Variants in OTOGL observed in about 807,000 individuals in gnomAD.
The protein encoded by OTOGL is otogelin like.
A neutral mutation model predicts 318.5 loss-of-function variants in OTOGL; 285 were observed. That is an observed-to-expected ratio of 0.89 (90% CI 0.81 to 0.99). OTOGL has a LOEUF of 0.99. Among genes scored for constraint, OTOGL ranks in the 50% least tolerant of loss-of-function variants. The pLI is 0.00. For missense variants in OTOGL, 2,899 were observed against 2,845.6 expected (o/e 1.02, Z -0.43); for synonymous variants, 987 against 936.5 (o/e 1.05, Z -0.99).
chr12:80,174,486 T>A (rs1486208532), intron 1 of OTOGL, among the ~76,000 whole-genome samples: 2 of 152,218 alleles, frequency 1.3e-5, no homozygotes, highest in Non-Finnish European at 2.9e-5. Flanking sequence ...GGACATAGGA[T>A]CTTTTTTAAA....
At chr12:80,149,293 G>A (rs1331270750) in intron 1 of OTOGL, among the ~76,000 whole-genome samples, 1 of 151,488 alleles carries the variant, frequency 6.6e-6, no homozygotes, top group African/African-American at 2.4e-5. Context: ...TCAGCTGCAG[G>A]TCTGTTGGAG....
chr12:80,375,129 AC>A (rs1891107741), intron 57 of OTOGL, among the ~76,000 whole-genome samples: 1 of 151,792 alleles, frequency 6.6e-6, no homozygotes, highest in Non-Finnish European at 1.5e-5. Flanking sequence ...ATATTAGAAA[AC>A]CCTTTCCTGC....
In OTOGL at chr12:80,248,984, C is replaced by T. The variant is rs1260413087; in HGVS notation, c.1053-2709C>T. Among the ~76,000 whole-genome samples the T allele has an allele frequency of 2.7e-5, 4 of 146,636 alleles. No homozygotes were observed. In the South Asian group the frequency reaches 6.4e-4, roughly 23 times the overall value. On this transcript the variant is annotated intron_variant, in intron 11 of 58. Coordinates refer to ENST00000547103, the MANE Select transcript of OTOGL (RefSeq NM_001378609.3). ...GCTCCTGAGGCTTCTGCATTCTTCA[C>T]GTAGTTCTCGAGCCTTGGTTTTCAG...
chr12:80,148,552 G>C (rs1421093563), intron 1 of OTOGL, among the ~76,000 whole-genome samples: 1 of 151,162 alleles, frequency 6.6e-6, no homozygotes, highest in Non-Finnish European at 1.5e-5. Context: ...TCTTCTCGAG[G>C]AGTATCTTTG....
In OTOGL at chr12:80,266,522, T is replaced by C; in HGVS notation, c.2296T>C (p.Ser766Pro). 6.2e-7 allele frequency: 1 copy of C among 1,613,466 alleles called. No homozygotes were observed. Among genetic ancestry groups the C allele is most frequent in the Non-Finnish European group, 8.5e-7 (1 of 1,179,600 alleles). ...CTGCCTCCATTCCTGCATTTCTCTC[T>C]CTTCCCCGGAGCAGTGCAGTGATGA... ...SFCLHSCISL[S>P]SPEQCSDDCA... Residue 766 changes from serine to proline, a missense_variant, in exon 21 of 59, where the codon TCT (serine) becomes CCT (proline). By Grantham distance (74) the Ser-to-Pro change is moderately conservative (BLOSUM62 -1). Around this residue, in one of 3 missense-constraint regions of OTOGL, gnomAD observed 2,607 missense variants for 2,524.9 expected, o/e 1.03. Coordinates refer to ENST00000547103, the MANE Select transcript of OTOGL (RefSeq NM_001378609.3).
intron 38 of OTOGL, among the ~76,000 whole-genome samples, chr12:80,334,167 G>C (rs1006088006): frequency 6.6e-6 from 1 of 152,128 alleles, no homozygotes; most frequent in Non-Finnish European, 1.5e-5. Flanking sequence ...CTATCACCTG[G>C]TTCAGGTGAT....
At chr12:80,310,571 C>G (rs912980870) in intron 29 of OTOGL, 40 bp from the exon 30 acceptor site, 3 of 1,389,186 alleles carry the variant, frequency 2.2e-6, no homozygotes, top group Non-Finnish European at 3.0e-6. Context: ...AGAAATTGTC[C>G]CTTTGAAAAC....
intron 43 of OTOGL, among the ~76,000 whole-genome samples, chr12:80,340,924 T>C (rs1888725597): frequency 7.3e-6 from 1 of 136,852 alleles, no homozygotes; most frequent in Admixed American, 8.4e-5. Context: ...CTTTACAATG[T>C]AGTCCACTTA....
At chr12:80,181,395 TG>T (rs1208282521) in intron 1 of OTOGL, among the ~76,000 whole-genome samples, 1 of 151,938 alleles carries the variant, frequency 6.6e-6, no homozygotes, top group Non-Finnish European at 1.5e-5. Context: ...CCCCCTTTGG[TG>T]GTTATTGAAT....
intron 4 of OTOGL, among the ~76,000 whole-genome samples, chr12:80,213,242 ATT>A: frequency 6.6e-6 from 1 of 152,216 alleles, no homozygotes; most frequent in East Asian, 1.9e-4. Flanking sequence ...TTGCCAGGGC[ATT>A]TGTAAACTGT....
rs527599306 is a variant in OTOGL, at chr12:80,335,978, C to T, written c.4438C>T (p.Pro1480Ser). 10 of 1,554,418 alleles carry T rather than the reference C, an allele frequency of 6.4e-6. No individual in the cohort carries two copies. The East Asian group carries it at 2.3e-4, about 36-fold the overall frequency. Reference sequence around the variant, plus strand: ...TTATTAACAGCCTCAGAAATTTGATCCTGTTTATGATTGTAGCCAATACAT... The same window carrying T: ...TTATTAACAGCCTCAGAAATTTGATTCTGTTTATGATTGTAGCCAATACAT... ...GLECEPQKFDPVYDCSQYICL... is the reference protein window; with the variant it reads ...GLECEPQKFDSVYDCSQYICL... The change falls in exon 39 of 59, where the codon CCT (proline) becomes TCT (serine). Residue 1480 changes from proline (P) to serine (S), a missense_variant. By Grantham distance (74) the Pro-to-Ser change is moderately conservative. This residue lies in a region of OTOGL where 2,607 missense variants were observed against 2,524.9 expected (regional missense o/e 1.03). Transcript: ENST00000547103.
intron 1 of OTOGL, among the ~76,000 whole-genome samples, chr12:80,182,159 A>AT (rs1874969692): frequency 6.6e-6 from 1 of 152,128 alleles, no homozygotes; most frequent in South Asian, 2.1e-4. Context: ...CTCAAAAGCA[A>AT]TTTTTAAAAA....
intron 52 of OTOGL, chr12:80,366,192 A>G (rs967318766): frequency 8.2e-6 from 2 of 245,244 alleles, no homozygotes; most frequent in Non-Finnish European, 1.8e-5. Context: ...GATTGGTGCA[A>G]AGGCAGTTCC....
chr12:80,329,587 G>A (rs1477994011), intron 37 of OTOGL, among the ~76,000 whole-genome samples: 1 of 152,104 alleles, frequency 6.6e-6, no homozygotes, highest in East Asian at 1.9e-4. Context: ...CCATTTCCAT[G>A]TTTGCATTCT....
Position 80,301,754 on chromosome 12 carries a change from C to T in OTOGL, c.3064-880C>T, listed in dbSNP as rs138446379. On this transcript the variant is annotated intron_variant, in intron 27 of 58. Transcript: ENST00000547103. The stretch of plus-strand genomic sequence containing the variant: ...CCCCCCTACACACATACAGTAGTTC[C>T]CCCTTATCCATGAGGGTTAGGTCCC... 3.2e-3 allele frequency among the ~76,000 whole-genome samples: 487 copies of T among 152,228 alleles called. 3 individuals are homozygous for T. Among genetic ancestry groups the T allele is most frequent in the African/African-American group, 0.011 (465 of 41,540 alleles).
At chr12:80,260,956 A>T (rs528335921) in intron 18 of OTOGL, among the ~76,000 whole-genome samples, 1 of 152,262 alleles carries the variant, frequency 6.6e-6, no homozygotes, top group South Asian at 2.1e-4. Flanking sequence ...GAGATTTTGT[A>T]CTAGGGTGTT....
chr12:80,151,568 A>G (rs950110326), intron 1 of OTOGL, among the ~76,000 whole-genome samples: 11 of 152,370 alleles, frequency 7.2e-5, no homozygotes, highest in African/African-American at 2.6e-4. Context: ...ATCCAAAAAA[A>G]GGATCTGTGG....
intron 1 of OTOGL, among the ~76,000 whole-genome samples, chr12:80,141,216 T>G (rs894698859): frequency 6.6e-6 from 1 of 152,152 alleles, no homozygotes; most frequent in Non-Finnish European, 1.5e-5. Context: ...AAGATTTTTT[T>G]TATTAACTCT....
intron 1 of OTOGL, among the ~76,000 whole-genome samples, chr12:80,106,985 A>G (rs932713872): frequency 2.0e-5 from 3 of 152,110 alleles, no homozygotes; most frequent in African/African-American, 7.2e-5. Context: ...CATGTACCAA[A>G]AATGTGTGTC....
Sources: gnomAD v4.1 joint callset for allele counts (sites outside exome capture counted in the v4.1 genomes callset) on GRCh38, gnomAD v4.1.1 for gene constraint, gnomAD v4.1.1 regional missense constraint, MANE v1.5 for transcripts, NCBI Gene and HGNC (gene_info 2026-07-23, HGNC 2026-07-21) for gene names.